Variants in MACROD2 observed in about 807,000 individuals in gnomAD.
MACROD2 encodes ADP-ribose glycohydrolase MACROD2.
Under a neutral mutation model 70.4 loss-of-function variants are expected in MACROD2, and 36 were observed. That is an observed-to-expected ratio of 0.51 (90% CI 0.39 to 0.68). The LOEUF is 0.68. Among genes scored for constraint, MACROD2 ranks in the 30% least tolerant of loss-of-function variants. MACROD2 has a pLI of 0.00. For missense variants in MACROD2, 496 were observed against 538.4 expected (o/e 0.92, Z 0.78); for synonymous variants, 172 against 178.8 (o/e 0.96, Z 0.30).
intron 6 of MACROD2, among the ~76,000 whole-genome samples, chr20:15,253,774 C>T (rs532061983): frequency 8.8e-4 from 134 of 152,282 alleles, no homozygotes; most frequent in African/African-American, 3.2e-3. Context: ...AGAGAATCGA[C>T]TGAGCTACAT....
chr20:15,660,205 T>C (rs572349945), intron 8 of MACROD2, among the ~76,000 whole-genome samples: 1 of 152,318 alleles, frequency 6.6e-6, no homozygotes, highest in East Asian at 1.9e-4. Flanking sequence ...TGCTTATTGA[T>C]TGACTAATTT....
chr20:16,024,321 T>C (rs1368883990), intron 15 of MACROD2, among the ~76,000 whole-genome samples: 2 of 152,210 alleles, frequency 1.3e-5, no homozygotes, highest in Non-Finnish European at 1.5e-5. Context: ...TAATAGCAAT[T>C]GTAAGGCTAT....
At chr20:15,637,345 A>G (rs2049385792) in intron 8 of MACROD2, among the ~76,000 whole-genome samples, 1 of 152,180 alleles carries the variant, frequency 6.6e-6, no homozygotes, top group African/African-American at 2.4e-5. Flanking sequence ...TCTTATTCCT[A>G]TTGGCTATGT....
intron 8 of MACROD2, among the ~76,000 whole-genome samples, chr20:15,639,029 G>T (rs1354832295): frequency 6.6e-6 from 1 of 152,102 alleles, no homozygotes; most frequent in African/African-American, 2.4e-5. Flanking sequence ...AAGACATTTG[G>T]AATTTAACAG....
chr20:14,005,145 C>T (rs1186719748), intron 2 of MACROD2, among the ~76,000 whole-genome samples: 1 of 151,860 alleles, frequency 6.6e-6, no homozygotes, highest in South Asian at 2.1e-4. Context: ...AAAATATTGC[C>T]AAGGAACACA....
chr20:15,832,202 G>A (rs2064063935), intron 8 of MACROD2, among the ~76,000 whole-genome samples: 1 of 152,126 alleles, frequency 6.6e-6, no homozygotes, highest in Admixed American at 6.6e-5. Context: ...GAATTTTTAT[G>A]TGTCTCTCTG....
chr20:16,035,102 A>T (rs1226941522), intron 15 of MACROD2, among the ~76,000 whole-genome samples: 1 of 6,224 alleles, frequency 1.6e-4, no homozygotes, highest in African/African-American at 1.9e-4. Context: ...AATATTATAT[A>T]TTATATATAA....
At chr20:14,649,968 T>C (rs1476120243) in intron 4 of MACROD2, among the ~76,000 whole-genome samples, 2 of 152,198 alleles carry the variant, frequency 1.3e-5, no homozygotes, top group Admixed American at 1.3e-4. Context: ...GCAGTAAGTC[T>C]GAAGATTAAA....
At chr20:15,704,696 G>A (rs6043464) in intron 8 of MACROD2, among the ~76,000 whole-genome samples, 37,632 of 151,902 alleles carry the variant, frequency 0.25, 5,611 homozygotes, top group African/African-American at 0.43. Context: ...GAGTAGCAAG[G>A]TGCTAGAAGA....
At chr20:15,902,341 T>A (rs906115084) in intron 10 of MACROD2, among the ~76,000 whole-genome samples, 1 of 152,066 alleles carries the variant, frequency 6.6e-6, no homozygotes, top group Non-Finnish European at 1.5e-5. Context: ...GGGGCTTATA[T>A]TCTATATATA....
At chr20:14,211,486 T>G (rs2081570366) in intron 3 of MACROD2, among the ~76,000 whole-genome samples, 1 of 152,214 alleles carries the variant, frequency 6.6e-6, no homozygotes, top group African/African-American at 2.4e-5. Context: ...CTCCAGAATC[T>G]ACTCAGGGAA....
intron 6 of MACROD2, among the ~76,000 whole-genome samples, chr20:15,373,374 G>T (rs953725913): frequency 6.6e-6 from 1 of 151,928 alleles, no homozygotes; most frequent in East Asian, 1.9e-4. Flanking sequence ...TTCTCTTCTA[G>T]GTGAATTATA....
At chr20:14,894,709 G>A (rs1600782937) in intron 5 of MACROD2, 2 of 151,790 alleles carry the variant, frequency 1.3e-5, no homozygotes, top group Non-Finnish European at 2.9e-5. Flanking sequence ...CAGTCAAATA[G>A]CAAATAACAT....
chr20:14,325,670 T>C, intron 3 of MACROD2: 1 of 1,613,814 alleles, frequency 6.2e-7, no homozygotes, highest in Non-Finnish European at 8.5e-7. Flanking sequence ...GGAAATATGG[T>C]GTGTATTACA....
chr20:14,278,549 T>G (rs2327842), intron 3 of MACROD2, among the ~76,000 whole-genome samples: 1 of 151,994 alleles, frequency 6.6e-6, no homozygotes, highest in Non-Finnish European at 1.5e-5. Context: ...TATTTTTTCT[T>G]CTTCCTTAAA....
intron 7 of MACROD2, among the ~76,000 whole-genome samples, chr20:15,479,459 A>G (rs983585771): frequency 6.6e-6 from 1 of 151,154 alleles, no homozygotes; most frequent in Non-Finnish European, 1.5e-5. Context: ...TTTTTAGTAG[A>G]GACGGGGTTT....
At chr20:14,104,636 C>G (rs2054344494) in intron 3 of MACROD2, among the ~76,000 whole-genome samples, 1 of 152,152 alleles carries the variant, frequency 6.6e-6, no homozygotes. Context: ...AAGAAGCTCT[C>G]AAGTTTCTCC....
At chr20:15,893,691 A>T (rs1207635790) in intron 10 of MACROD2, 1 of 456,742 alleles carries the variant, frequency 2.2e-6, no homozygotes, top group South Asian at 1.5e-5. Flanking sequence ...CCCAGAAGCG[A>T]TAGAGCAGTA....
chr20:14,606,516 C>A (rs978365924), intron 4 of MACROD2, among the ~76,000 whole-genome samples: 4 of 152,126 alleles, frequency 2.6e-5, no homozygotes, highest in African/African-American at 9.7e-5. Flanking sequence ...TAAATTAAAA[C>A]CCTGAGCCTG....
Sources: allele counts gnomAD v4.1 joint callset (sites outside exome capture counted in the v4.1 genomes callset), GRCh38; gene constraint gnomAD v4.1.1; transcripts MANE v1.5; gene names NCBI Gene and HGNC (gene_info 2026-07-23, HGNC 2026-07-21).